The following RGS3 variants were observed in gnomAD, a reference collection of about 807,000 sequenced individuals.
The protein encoded by RGS3 is regulator of G protein signaling 3.
In RGS3, 80 loss-of-function variants were observed where a neutral mutation model predicts 132.6. That is an observed-to-expected ratio of 0.60 (90% CI 0.50 to 0.73). RGS3 has a LOEUF of 0.73. RGS3 is among the 30% of genes least tolerant of loss of function. The probability of loss-of-function intolerance (pLI) is 0.00; values close to 1 mark genes in which losing one functional copy is unlikely to be tolerated. For missense variants in RGS3, 1,382 were observed against 1,530.8 expected, an observed-to-expected ratio of 0.90 and a Z score of 1.62; for synonymous variants, 598 against 620.6, an observed-to-expected ratio of 0.96 and a Z score of 0.54.
intron 20 of RGS3, among the ~76,000 whole-genome samples, chr9:113,588,039 C>T (rs1278565363): frequency 2.0e-5 from 3 of 152,216 alleles, no homozygotes; most frequent in Admixed American, 6.5e-5. Context: ...CTAGTCCAGC[C>T]TATCTGGCTC....
chr9:113,495,935 C>A, intron 8 of RGS3, 89 bp downstream of exon 6: 1 of 1,189,004 alleles, frequency 8.4e-7, no homozygotes, highest in African/African-American at 1.5e-5. Context: ...TTGGGCAGGG[C>A]TTCTCTCTGT....
chr9:113,479,550 G>A lies in RGS3; in HGVS notation c.466+9G>A, dbSNP rs976756388. On this transcript the variant is annotated intron_variant, in intron 4 of 24. Coordinates refer to ENST00000350696, the Ensembl canonical transcript of RGS3. ...GGTTCTGCTGCTTCACAGTGAGTAC[G>A]GCTTTGTGCAGGCTCACCAAGGAAG... 13 of 1,613,962 alleles carry A rather than the reference G, an allele frequency of 8.1e-6. No individual in the cohort carries two copies. Among genetic ancestry groups the A allele is most frequent in the Middle Eastern group, 1.6e-4 (1 of 6,074 alleles).
At chr9:113,582,163 A>C in intron 19 of RGS3, 5 of 985,414 alleles carry the variant, frequency 5.1e-6, no homozygotes, top group Non-Finnish European at 6.0e-6. Flanking sequence ...GGGCTTCACC[A>C]TTACAGACTC....
In RGS3 at chr9:113,542,994, C is replaced by T. The variant is rs1209196212; in HGVS notation, c.2037+6076C>T. 2.0e-5 allele frequency among the ~76,000 whole-genome samples: 3 copies of T among 152,210 alleles called. No homozygotes were observed. In the East Asian group the frequency reaches 5.8e-4, roughly 29 times the overall value. ...GGGACAGCCGTTTGAGCCCAGCCCA[C>T]TCACTGCCTGCTGCACCTCCAGCTG... On this transcript the variant is annotated intron_variant, in intron 19 of 24. Transcript: ENST00000350696.
At chr9:113,594,202 G>A (rs375198729) in intron 21 of RGS3, 42 of 1,612,854 alleles carry the variant, frequency 2.6e-5, no homozygotes, top group East Asian at 4.5e-5. Flanking sequence ...CCCAGGACGC[G>A]GGGTGGGGGA....
At chr9:113,566,376 A>G (rs1336938807) in intron 19 of RGS3, among the ~76,000 whole-genome samples, 1 of 152,120 alleles carries the variant, frequency 6.6e-6, no homozygotes, top group Non-Finnish European at 1.5e-5. Flanking sequence ...CACACCACAG[A>G]GCTGGCCACT....
At chr9:113,471,551 C>G (rs1829831849) in intron 3 of RGS3, among the ~76,000 whole-genome samples, 1 of 152,094 alleles carries the variant, frequency 6.6e-6, no homozygotes, top group African/African-American at 2.4e-5. Context: ...CATATATTTT[C>G]TAAGCTTTTT....
At chr9:113,589,638 G>T (rs866665867) in intron 20 of RGS3, among the ~76,000 whole-genome samples, 2 of 152,224 alleles carry the variant, frequency 1.3e-5, no homozygotes, top group African/African-American at 4.8e-5. Flanking sequence ...TCTTTCCCAC[G>T]GGTGGGGGCC....
intron 19 of RGS3, among the ~76,000 whole-genome samples, chr9:113,566,899 G>C (rs1463894135): frequency 6.6e-6 from 1 of 152,218 alleles, no homozygotes; most frequent in Non-Finnish European, 1.5e-5. Context: ...AAGGCCCCTT[G>C]AGTCCTCTGT....
chr9:113,481,397 G>A (rs938277937), intron 4 of RGS3, among the ~76,000 whole-genome samples: 1 of 152,160 alleles, frequency 6.6e-6, no homozygotes, highest in Admixed American at 6.5e-5. Context: ...CAAGAACCAC[G>A]CCCTCGAGGG....
intron 18 of RGS3, among the ~76,000 whole-genome samples, chr9:113,531,142 G>A (rs1224027831): frequency 6.6e-6 from 1 of 152,204 alleles, no homozygotes; most frequent in African/African-American, 2.4e-5. Context: ...TCCGAAAGTA[G>A]TCCTGGGCTC....
At chr9:113,543,265 C>T (rs1832976914) in intron 19 of RGS3, among the ~76,000 whole-genome samples, 1 of 152,194 alleles carries the variant, frequency 6.6e-6, no homozygotes, top group African/African-American at 2.4e-5. Flanking sequence ...GGTTCTTGTG[C>T]CCCTGTGAGC....
intron 19 of RGS3, among the ~76,000 whole-genome samples, chr9:113,544,040 C>T (rs1228806234): frequency 6.6e-6 from 1 of 152,210 alleles, no homozygotes; most frequent in Admixed American, 6.5e-5. Context: ...GGATGATGAA[C>T]AAGCTATGGA....
exon 20 of RGS3, chr9:113,583,889 C>G (rs751795626): frequency 1.2e-6 from 2 of 1,614,088 alleles, no homozygotes; most frequent in Non-Finnish European, 1.7e-6. Context: ...TCCCTGCCAG[C>G]CAAGGCCCTT....
chr9:113,588,470 C>T (rs778340665), intron 20 of RGS3, among the ~76,000 whole-genome samples: 5 of 152,146 alleles, frequency 3.3e-5, no homozygotes, highest in African/African-American at 9.7e-5. Context: ...CACAGACGAG[C>T]GCTCAGTCAC....
intron 10 of RGS3, among the ~76,000 whole-genome samples, chr9:113,501,023 G>T (rs1830863369): frequency 6.6e-6 from 1 of 152,134 alleles, no homozygotes; most frequent in Non-Finnish European, 1.5e-5. Context: ...CAAGTGGCAG[G>T]CAGGTCTTCA....
chr9:113,586,930 T>G (rs1013638695), intron 20 of RGS3, among the ~76,000 whole-genome samples: 2 of 151,974 alleles, frequency 1.3e-5, no homozygotes, highest in African/African-American at 4.8e-5. Context: ...CAGCACCTGG[T>G]GGGTGCTGCA....
chr9:113,507,145 C>T lies in RGS3; in HGVS notation c.1086-142C>T. 1.5e-6 allele frequency: 1 copy of T among 664,910 alleles called. No homozygotes were observed. The highest frequency in any genetic ancestry group is 2.9e-5 in the Admixed American group (1 of 34,002). The allele number at this position is 664,910 out of a possible 1,614,324, so 41.2% of individuals were successfully genotyped here. Reference sequence around the variant, plus strand: ...CTTCTTTAAATGGCTTCTTGCATCCCTTCCTGCCCTGACACTGGGGGCTTC... The same window carrying T: ...CTTCTTTAAATGGCTTCTTGCATCCTTTCCTGCCCTGACACTGGGGGCTTC... On this transcript the variant is annotated intron_variant, in intron 12 of 24. Transcript: ENST00000350696. This position sits in a 1 kb window ranked among gnomAD's most constrained non-coding sequence, Gnocchi z 5.0.
intron 3 of RGS3, among the ~76,000 whole-genome samples, chr9:113,466,170 A>G (rs1295083124): frequency 1.3e-5 from 2 of 152,206 alleles, no homozygotes; most frequent in East Asian, 1.9e-4. Context: ...TTTGGAAGCT[A>G]TGGATTCAGA....
Sources: allele counts gnomAD v4.1 joint callset (sites outside exome capture counted in the v4.1 genomes callset), GRCh38; gene constraint gnomAD v4.1.1; non-coding constraint Gnocchi (gnomAD v3.1); transcripts MANE v1.5; gene names NCBI Gene and HGNC (gene_info 2026-07-23, HGNC 2026-07-21).